The following CLSTN2 variants were observed in gnomAD, a reference collection of about 807,000 sequenced individuals.
CLSTN2 encodes calsyntenin 2, also known as calsyntenin-2.
CLSTN2 carries 48 observed loss-of-function variants against 101.2 expected under a neutral mutation model. That is an observed-to-expected ratio of 0.47 (90% CI 0.38 to 0.60). The LOEUF is 0.60. Among genes scored for constraint, CLSTN2 ranks in the 20% least tolerant of loss-of-function variants. The probability of loss-of-function intolerance (pLI) is 0.00; values close to 1 mark genes in which losing one functional copy is unlikely to be tolerated. For synonymous variants in CLSTN2, 481 were observed against 463.6 expected, an observed-to-expected ratio of 1.04 and a Z score of -0.48; for missense variants, 1,160 against 1,238.2, an observed-to-expected ratio of 0.94 and a Z score of 0.95.
intron 2 of CLSTN2, among the ~76,000 whole-genome samples, chr3:140,352,510 C>A (rs989252213): frequency 1.3e-5 from 2 of 152,194 alleles, no homozygotes; most frequent in African/African-American, 2.4e-5. Flanking sequence ...GATTCTGGAA[C>A]AATTACCTTG....
intron 2 of CLSTN2, among the ~76,000 whole-genome samples, chr3:140,238,717 T>G (rs992460291): frequency 1.3e-5 from 2 of 152,184 alleles, no homozygotes; most frequent in African/African-American, 4.8e-5. Flanking sequence ...GGAGTGTTTG[T>G]TATTAAGCAC....
intron 8 of CLSTN2, among the ~76,000 whole-genome samples, chr3:140,489,252 C>T (rs1415239711): frequency 6.6e-6 from 1 of 152,100 alleles, no homozygotes; most frequent in African/African-American, 2.4e-5. Flanking sequence ...GGTAAGGTTT[C>T]AATTATTGGC....
At chr3:140,132,412 G>T (rs1438387879) in intron 1 of CLSTN2, among the ~76,000 whole-genome samples, 2 of 152,084 alleles carry the variant, frequency 1.3e-5, no homozygotes, top group African/African-American at 4.8e-5. Flanking sequence ...CCCCATGCAG[G>T]ATAAGAAAAT....
intron 1 of CLSTN2, among the ~76,000 whole-genome samples, chr3:139,958,776 G>T (rs1000060430): frequency 6.6e-6 from 1 of 151,244 alleles, no homozygotes; most frequent in South Asian, 2.1e-4. Context: ...TGTCTCTGCA[G>T]GTATACCATA....
intron 8 of CLSTN2, among the ~76,000 whole-genome samples, chr3:140,518,651 T>C (rs990713276): frequency 1.3e-5 from 2 of 152,108 alleles, no homozygotes; most frequent in African/African-American, 4.8e-5. Flanking sequence ...GAAATCACAG[T>C]TTTTCAGCTG....
intron 2 of CLSTN2, among the ~76,000 whole-genome samples, chr3:140,344,082 C>T (rs2087517962): frequency 1.3e-5 from 2 of 152,184 alleles, no homozygotes; most frequent in African/African-American, 4.8e-5. Context: ...GTCCTCTCTT[C>T]CTATACCTCA....
intron 5 of CLSTN2, among the ~76,000 whole-genome samples, chr3:140,432,652 T>C (rs996482718): frequency 1.2e-4 from 19 of 152,216 alleles, no homozygotes; most frequent in African/African-American, 4.1e-4. Flanking sequence ...CTGATTTACC[T>C]ACTCAATGGT....
At chr3:140,131,871 C>T (rs2009527689) in intron 1 of CLSTN2, among the ~76,000 whole-genome samples, 1 of 152,078 alleles carries the variant, frequency 6.6e-6, no homozygotes. Flanking sequence ...CGGGCTAAAA[C>T]TGTCCCACAA....
At chr3:140,461,345 A>T (rs1353548038) in intron 7 of CLSTN2, 1 of 152,240 alleles carries the variant, frequency 6.6e-6, no homozygotes, top group Non-Finnish European at 1.5e-5. Flanking sequence ...TCCCATCATA[A>T]TCCAGGAGCC....
At chr3:140,433,351 AG>A (rs1174495615) in intron 5 of CLSTN2, among the ~76,000 whole-genome samples, 5 of 152,186 alleles carry the variant, frequency 3.3e-5, no homozygotes, top group Non-Finnish European at 7.4e-5. Context: ...AGGCACCATA[AG>A]GGGAAAAGCC....
At chr3:140,298,610 G>T (rs530024762) in intron 2 of CLSTN2, among the ~76,000 whole-genome samples, 1 of 152,190 alleles carries the variant, frequency 6.6e-6, no homozygotes, top group Admixed American at 6.5e-5. Flanking sequence ...AAGCCCAGGA[G>T]GGGAGGTAAC....
chr3:140,141,868 C>G (rs1349249372), intron 1 of CLSTN2, among the ~76,000 whole-genome samples: 1 of 152,232 alleles, frequency 6.6e-6, no homozygotes, highest in African/African-American at 2.4e-5. Flanking sequence ...TTTTGCTTCA[C>G]TCCCTGGAGG....
chr3:140,375,916 G>C (rs866595170), intron 2 of CLSTN2, among the ~76,000 whole-genome samples: 1 of 152,158 alleles, frequency 6.6e-6, no homozygotes, highest in African/African-American at 2.4e-5. Context: ...CCCAGAAACA[G>C]TAAACTACTT....
At chr3:140,509,657 GC>G (rs1281398845) in intron 8 of CLSTN2, among the ~76,000 whole-genome samples, 1 of 151,254 alleles carries the variant, frequency 6.6e-6, no homozygotes, top group African/African-American at 2.4e-5. Context: ...GAATGGGGGG[GC>G]CTCATCTCCT....
At chr3:140,463,393 G>A (rs1042245445) in intron 7 of CLSTN2, among the ~76,000 whole-genome samples, 1 of 152,112 alleles carries the variant, frequency 6.6e-6, no homozygotes, top group Non-Finnish European at 1.5e-5. Context: ...ATGTCAGCCT[G>A]GTAGAGAGTG....
At chr3:140,483,258 T>C (rs893759141) in intron 8 of CLSTN2, among the ~76,000 whole-genome samples, 12 of 152,330 alleles carry the variant, frequency 7.9e-5, no homozygotes, top group African/African-American at 2.9e-4. Context: ...CGGTTTTGAG[T>C]GCGTTTCTTA....
chr3:140,154,112 T>G (rs1045029801), intron 1 of CLSTN2, among the ~76,000 whole-genome samples: 3 of 152,178 alleles, frequency 2.0e-5, no homozygotes, highest in African/African-American at 7.2e-5. Context: ...ATTTTAGGTG[T>G]GATCATTGTG....
intron 1 of CLSTN2, among the ~76,000 whole-genome samples, chr3:139,944,134 C>T (rs1022524428): frequency 6.6e-6 from 1 of 152,196 alleles, no homozygotes; most frequent in Admixed American, 6.5e-5. Flanking sequence ...TTCAGCCTTC[C>T]TGACCACCAA....
chr3:140,081,043 C>T lies in CLSTN2; in HGVS notation c.110-94908C>T, dbSNP rs543539089. On this transcript the variant is annotated intron_variant, in intron 1 of 16. Coordinates refer to ENST00000458420, the MANE Select transcript of CLSTN2 (RefSeq NM_022131.3). ...CTTAGCTGTGCCAGTGATGTGACAC[C>T]GATGCTATGTCTTTGTGGAAAATGG... is the stretch of plus-strand genomic sequence containing the variant. Among the ~76,000 whole-genome samples, 88 of 152,222 alleles carry T rather than the reference C, an allele frequency of 5.8e-4. No homozygotes were observed. The Middle Eastern group carries it at 0.031, about 53-fold the overall frequency.
Sources: allele counts gnomAD v4.1 joint callset (sites outside exome capture counted in the v4.1 genomes callset), GRCh38; gene constraint gnomAD v4.1.1; transcripts MANE v1.5; gene names NCBI Gene and HGNC (gene_info 2026-07-23, HGNC 2026-07-21).